The following DCUN1D2 variants were observed in gnomAD, a reference collection of about 807,000 sequenced individuals.
The protein encoded by DCUN1D2 is defective in cullin neddylation 1 domain containing 2, also known as DCN1-like protein 2.
A neutral mutation model predicts 30.9 loss-of-function variants in DCUN1D2; 29 were observed. That is an observed-to-expected ratio of 0.94 (90% confidence interval 0.70 to 1.28). The LOEUF (loss-of-function observed/expected upper bound fraction) is 1.28. Ranked by LOEUF, DCUN1D2 falls within the 50% of genes most tolerant of loss-of-function variation. The pLI is 0.00. For synonymous variants in DCUN1D2, 121 were observed against 115.3 expected (o/e 1.05, Z -0.32); for missense variants, 325 against 316.9 (o/e 1.03, Z -0.19).
intron 1 of DCUN1D2, among the ~76,000 whole-genome samples, chr13:113,489,507 T>A (rs1278656645): frequency 6.6e-6 from 1 of 152,164 alleles, no homozygotes; most frequent in Non-Finnish European, 1.5e-5. Flanking sequence ...TCCTCTTGGT[T>A]TCGACACATT....
chr13:113,461,332 T>C (rs1044491718), intron 4 of DCUN1D2, among the ~76,000 whole-genome samples, 196 bp from the exon 5 acceptor site: 3 of 152,240 alleles, frequency 2.0e-5, no homozygotes, highest in Non-Finnish European at 2.9e-5. Flanking sequence ...GGGGAAACTC[T>C]TTTTAAAAGG....
At chr13:113,458,352 C>T (rs750518770) in intron 6 of DCUN1D2, among the ~76,000 whole-genome samples, 6 of 152,204 alleles carry the variant, frequency 3.9e-5, no homozygotes, top group Non-Finnish European at 5.9e-5. Flanking sequence ...ACAGTGGCCC[C>T]GGATGCTCGG....
intron 2 of DCUN1D2, among the ~76,000 whole-genome samples, chr13:113,483,337 ATCACTGAAGCTATT>A (rs1358122751): frequency 6.6e-6 from 1 of 152,164 alleles, no homozygotes; most frequent in African/African-American, 2.4e-5. Context: ...AGCCTCTCTA[ATCACTGAAGCTATT>A]TCAGGGCTGA....
chr13:113,486,785 A>G (rs2044812079), intron 1 of DCUN1D2, among the ~76,000 whole-genome samples: 1 of 152,236 alleles, frequency 6.6e-6, no homozygotes, highest in Admixed American at 6.5e-5. Flanking sequence ...GGTAGAACTC[A>G]GATTAAGAAC....
chr13:113,462,680 G>T, intron 4 of DCUN1D2: 3 of 905,406 alleles, frequency 3.3e-6, no homozygotes, highest in African/African-American at 1.8e-5. Flanking sequence ...GAATCAGAAA[G>T]AAAGAGAGAG....
At chr13:113,487,576 A>AT (rs1364853928) in intron 1 of DCUN1D2, among the ~76,000 whole-genome samples, 1 of 152,178 alleles carries the variant, frequency 6.6e-6, no homozygotes. Flanking sequence ...CGCACAGTGC[A>AT]TGAGTCCAGC....
chr13:113,487,873 C>G (rs1026102143), intron 1 of DCUN1D2, among the ~76,000 whole-genome samples: 1 of 152,146 alleles, frequency 6.6e-6, no homozygotes, highest in Admixed American at 6.5e-5. Context: ...TAAAAAAATT[C>G]AACATTGTAC....
intron 4 of DCUN1D2, chr13:113,462,772 G>A: frequency 1.9e-6 from 2 of 1,078,714 alleles, no homozygotes; most frequent in Non-Finnish European, 2.3e-6. Context: ...CTAAGAAGAT[G>A]ATTAGTCTTG....
chr13:113,472,464 C>T (rs891922601), intron 4 of DCUN1D2, among the ~76,000 whole-genome samples: 3 of 152,128 alleles, frequency 2.0e-5, no homozygotes, highest in African/African-American at 7.2e-5. Flanking sequence ...GGCAGCCTGC[C>T]GTGCAGACAG....
rs3814254 is a variant in DCUN1D2 at position 113,457,972 on chromosome 13, C to A, written c.*57G>T. On this transcript the variant is annotated 3_prime_UTR_variant, in exon 7 of 7. Transcript: ENST00000478244. The stretch of plus-strand genomic sequence containing the variant: ...CGACAATGCACCCAGGAACTGACTG[C>A]AATCTCCTTGCAGGATACAAATCAT... 297,820 of 1,501,582 alleles carry A rather than the reference C, an allele frequency of 0.2. 34,776 individuals carry two copies. The highest frequency in any genetic ancestry group is 0.45 in the African/African-American group (32,979 of 72,770). 93.0% of individuals were successfully genotyped at this position (1,501,582 alleles called of 1,614,324 possible).
At chr13:113,486,366 A>G (rs1197146035) in intron 1 of DCUN1D2, among the ~76,000 whole-genome samples, 1 of 152,140 alleles carries the variant, frequency 6.6e-6, no homozygotes, top group Admixed American at 6.5e-5. Context: ...CAGGAGGGAG[A>G]GGATCCCAAA....
At chr13:113,479,665 G>A (rs1180070093) in intron 3 of DCUN1D2, among the ~76,000 whole-genome samples, 1 of 152,198 alleles carries the variant, frequency 6.6e-6, no homozygotes, top group African/African-American at 2.4e-5. Flanking sequence ...GGAGTTTGCT[G>A]TGAGCCAAGA....
intron 3 of DCUN1D2, among the ~76,000 whole-genome samples, chr13:113,474,601 C>A (rs2044581603): frequency 6.6e-6 from 1 of 152,142 alleles, no homozygotes; most frequent in South Asian, 2.1e-4. Flanking sequence ...AAACCCAAAA[C>A]CAACATCTTT....
intron 1 of DCUN1D2, among the ~76,000 whole-genome samples, chr13:113,484,953 C>CTA (rs924941536): frequency 8.5e-5 from 13 of 152,216 alleles, no homozygotes; most frequent in African/African-American, 3.1e-4. Context: ...TGGCATGCGC[C>CTA]TATAGTCCCA....
At chr13:113,462,554 T>C (rs1186030343) in intron 4 of DCUN1D2, among the ~76,000 whole-genome samples, 3 of 152,156 alleles carry the variant, frequency 2.0e-5, no homozygotes, top group Admixed American at 6.5e-5. Context: ...ATTATTAAAA[T>C]GGGATAAGAA....
rs775346129 is a variant in DCUN1D2 at position 113,483,797 on chromosome 13, C to T, written c.220+43G>A. ...GGAAGTGCAGCGCGCAGGCCGCTCGCGGAGGCCGACATCCGTCCGGCTTTG... is the reference window on the plus strand; with the variant it reads ...GGAAGTGCAGCGCGCAGGCCGCTCGTGGAGGCCGACATCCGTCCGGCTTTG... On this transcript the variant is annotated intron_variant, in intron 2 of 6. Coordinates refer to ENST00000478244, the MANE Select transcript of DCUN1D2 (RefSeq NM_001014283.2). The T allele has an allele frequency of 5.7e-6, 9 of 1,590,534 alleles. No homozygotes were observed. In the Admixed American group the frequency reaches 1.5e-4, roughly 27 times the overall value.
At chr13:113,469,613 T>C (rs940430571) in intron 4 of DCUN1D2, among the ~76,000 whole-genome samples, 2 of 152,006 alleles carry the variant, frequency 1.3e-5, no homozygotes, top group South Asian at 2.1e-4. Context: ...CCCAGGAGCC[T>C]GAGGGTGCGG....
chr13:113,484,593 CA>C (rs764250897), intron 1 of DCUN1D2, among the ~76,000 whole-genome samples: 2 of 151,592 alleles, frequency 1.3e-5, no homozygotes, highest in African/African-American at 2.4e-5. Context: ...CAAGCAGGCA[CA>C]AAAAAACCTG....
chr13:113,477,203 A>C (rs1455982487), intron 3 of DCUN1D2, among the ~76,000 whole-genome samples: 2 of 152,236 alleles, frequency 1.3e-5, no homozygotes, highest in Non-Finnish European at 2.9e-5. Flanking sequence ...GGATTTTTAA[A>C]TTGAGATCAC....
Sources: gnomAD v4.1 joint callset for allele counts (sites outside exome capture counted in the v4.1 genomes callset) on GRCh38, gnomAD v4.1.1 for gene constraint, MANE v1.5 for transcripts, NCBI Gene and HGNC (gene_info 2026-07-23, HGNC 2026-07-21) for gene names.